BTG4: variants seen among roughly 807,000 people sequenced by gnomAD.
BTG4 encodes the protein BTG anti-proliferation factor 4.
Under a neutral mutation model 19.3 loss-of-function variants are expected in BTG4, and 10 were observed. That is an observed-to-expected ratio of 0.52 (90% CI 0.32 to 0.88). The LOEUF (loss-of-function observed/expected upper bound fraction) is 0.88, where lower values mean the gene tolerates loss of function less well. BTG4 is among the 40% of genes least tolerant of loss of function. The pLI is 0.04. For missense variants in BTG4, 238 were observed against 281.9 expected, an observed-to-expected ratio of 0.84 and a Z score of 1.11; for synonymous variants, 91 against 95.7, an observed-to-expected ratio of 0.95 and a Z score of 0.29.
At chr11:111,499,026 GA>G (rs536545791) in intron 1 of BTG4, among the ~76,000 whole-genome samples, 119 of 145,032 alleles carry the variant, frequency 8.2e-4, no homozygotes, top group African/African-American at 2.0e-3. Flanking sequence ...GTTTTCAAAG[GA>G]AAAAAAAAAG....
At chr11:111,464,111 C>A (rs1439784085), downstream of BTG4, among the ~76,000 whole-genome samples, 1 of 152,212 alleles carries the variant, frequency 6.6e-6, no homozygotes, top group Non-Finnish European at 1.5e-5. Flanking sequence ...ATTCTCCTGC[C>A]TCAGCCTCCC....
At chr11:111,394,892 T>G in the BTG4 span, among the ~76,000 whole-genome samples, 1 of 152,226 alleles carries the variant, frequency 6.6e-6, no homozygotes, top group Admixed American at 6.5e-5. Flanking sequence ...GAGATGCTCA[T>G]AAAATCATTC....
At chr11:111,453,131 A>G in the BTG4 span, among the ~76,000 whole-genome samples, 6 of 152,216 alleles carry the variant, frequency 3.9e-5, no homozygotes, top group African/African-American at 1.2e-4. Context: ...GGCCCTGCTA[A>G]GAAGTTTGGA....
At chr11:111,456,943 A>C in the BTG4 span, 1 of 168,040 alleles carries the variant, frequency 6.0e-6, no homozygotes, top group Non-Finnish European at 1.3e-5. The surrounding 1 kb of genome is among the most constrained non-coding windows in gnomAD (Gnocchi z 4.2). Flanking sequence ...CTGGATCCAG[A>C]AGGTGCCATG....
At chr11:111,446,568 T>G in the BTG4 span, among the ~76,000 whole-genome samples, 1 of 151,912 alleles carries the variant, frequency 6.6e-6, no homozygotes, top group Non-Finnish European at 1.5e-5. Context: ...TGCAAAACAT[T>G]ACACAGATGC....
At chr11:111,471,502 T>C (rs1006505350) in intron 5 of BTG4, among the ~76,000 whole-genome samples, 1 of 152,088 alleles carries the variant, frequency 6.6e-6, no homozygotes, top group African/African-American at 2.4e-5. Flanking sequence ...TTCATTTGGC[T>C]CCCAAGACAC....
At chr11:111,418,513 C>T in the BTG4 span, among the ~76,000 whole-genome samples, 1 of 152,304 alleles carries the variant, frequency 6.6e-6, no homozygotes, top group South Asian at 2.1e-4. Flanking sequence ...TGAAGTGATC[C>T]TCATGTCTGT....
At chr11:111,422,287 T>C in the BTG4 span, among the ~76,000 whole-genome samples, 1 of 152,172 alleles carries the variant, frequency 6.6e-6, no homozygotes, top group African/African-American at 2.4e-5. Context: ...AAATTGATCA[T>C]AGAGGTCCCC....
the BTG4 span, among the ~76,000 whole-genome samples, chr11:111,422,422 C>T: frequency 1.3e-5 from 2 of 152,212 alleles, no homozygotes; most frequent in East Asian, 3.9e-4. Context: ...TCCTGCTGGA[C>T]ACTCAAGATG....
upstream of BTG4, chr11:111,512,990 T>C: frequency 2.1e-6 from 1 of 468,940 alleles, no homozygotes; most frequent in Non-Finnish European, 4.4e-6. Flanking sequence ...GTGGTTACAA[T>C]CACTAACTCC....
chr11:111,476,916 C>T (rs1864430581), intron 5 of BTG4, among the ~76,000 whole-genome samples: 2 of 152,122 alleles, frequency 1.3e-5, no homozygotes, highest in East Asian at 3.8e-4. Context: ...TAGCTACCCA[C>T]ATAAATTATG....
At chr11:111,511,547 G>A (rs1488950293) in intron 1 of BTG4, among the ~76,000 whole-genome samples, 1 of 152,152 alleles carries the variant, frequency 6.6e-6, no homozygotes, top group Non-Finnish European at 1.5e-5. Flanking sequence ...GCTCTATACT[G>A]GATGCATGAA....
the BTG4 span, among the ~76,000 whole-genome samples, chr11:111,420,057 T>C: frequency 0.011 from 1,737 of 152,214 alleles, 30 homozygotes; most frequent in African/African-American, 0.04. Flanking sequence ...GAATCTACAA[T>C]GGACAACTGT....
chr11:111,503,183 A>G (rs2135711037), intron 1 of BTG4, among the ~76,000 whole-genome samples: 1 of 152,352 alleles, frequency 6.6e-6, no homozygotes, highest in African/African-American at 2.4e-5. Flanking sequence ...GAAATACTCA[A>G]AATTTACCCC....
At chr11:111,410,878 T>A in the BTG4 span, among the ~76,000 whole-genome samples, 1 of 152,114 alleles carries the variant, frequency 6.6e-6, no homozygotes, top group Non-Finnish European at 1.5e-5. Context: ...AAACTTGGGG[T>A]CGTCCTTGGC....
the BTG4 span, chr11:111,434,919 A>T: frequency 6.6e-6 from 1 of 152,264 alleles, no homozygotes; most frequent in African/African-American, 2.4e-5. Flanking sequence ...CCTGACCCTT[A>T]TTCCATCAGC....
the BTG4 span, among the ~76,000 whole-genome samples, chr11:111,445,271 C>T: frequency 6.6e-6 from 1 of 152,216 alleles, no homozygotes; most frequent in Non-Finnish European, 1.5e-5. Flanking sequence ...CTTCCCTAAT[C>T]CAGCAGTTAA....
chr11:111,404,110 G>GTC, the BTG4 span, among the ~76,000 whole-genome samples: 2 of 152,102 alleles, frequency 1.3e-5, no homozygotes, highest in Non-Finnish European at 2.9e-5. Context: ...GAGTGAATAA[G>GTC]TCTCATGAAA....
At chr11:111,447,541 T>C in the BTG4 span, among the ~76,000 whole-genome samples, 2,972 of 152,206 alleles carry the variant, frequency 0.02, 53 homozygotes, top group Non-Finnish European at 0.032. Context: ...AACTGAGATG[T>C]CCCTTGCCCT....
Sources: gnomAD v4.1 joint callset for allele counts (sites outside exome capture counted in the v4.1 genomes callset) on GRCh38, gnomAD v4.1.1 for gene constraint, Gnocchi (gnomAD v3.1) non-coding constraint, MANE v1.5 for transcripts, NCBI Gene and HGNC (gene_info 2026-07-23, HGNC 2026-07-21) for gene names.